UBE2L3: variants seen among roughly 807,000 people sequenced by gnomAD.
UBE2L3 encodes the protein ubiquitin-conjugating enzyme E2 L3.
Under a neutral mutation model 17.8 loss-of-function variants are expected in UBE2L3, and 1 was observed. The ratio of observed to expected loss-of-function variants is 0.06; its 90% confidence interval spans 0.02 to 0.27. The LOEUF (loss-of-function observed/expected upper bound fraction) is 0.27. UBE2L3 is among the 10% of genes least tolerant of loss of function. The pLI is 1.00. For synonymous variants in UBE2L3, 44 were observed against 68.5 expected (o/e 0.64, Z 1.76); for missense variants, 40 against 192.6 (o/e 0.21, Z 4.69).
chr22:21,585,505 C>T (rs1927887256), intron 1 of UBE2L3, among the ~76,000 whole-genome samples: 1 of 152,176 alleles, frequency 6.6e-6, no homozygotes, highest in Non-Finnish European at 1.5e-5. Flanking sequence ...GACTTCAGGC[C>T]ACCAGTTCTA....
At chr22:21,600,092 A>G (rs548714979) in intron 2 of UBE2L3, among the ~76,000 whole-genome samples, 1 of 152,058 alleles carries the variant, frequency 6.6e-6, no homozygotes, top group East Asian at 1.9e-4. Flanking sequence ...CAAGTGGATC[A>G]CCTGAGGTCA....
rs369071390 is a variant in UBE2L3, at chr22:21,615,486, C to T, written c.310+4443C>T. Among the ~76,000 whole-genome samples the T allele has an allele frequency of 2.4e-3, 352 of 149,360 alleles. 4 individuals are homozygous for T. In the East Asian group the frequency reaches 0.041, roughly 17 times the overall value. On this transcript the variant is annotated intron_variant, in intron 3 of 3. Coordinates refer to ENST00000342192, the MANE Select transcript of UBE2L3 (RefSeq NM_003347.4). ...AGGAGAATGGCGTGAACCTGGGAGG[C>T]GGAGATTGCAGTGAGCCGAGATCAC...
At chr22:21,612,315 G>T (rs1025918638) in intron 3 of UBE2L3, among the ~76,000 whole-genome samples, 3 of 151,996 alleles carry the variant, frequency 2.0e-5, no homozygotes, top group East Asian at 1.9e-4. Flanking sequence ...TCAGTGCCTG[G>T]TTTTTTCTTT....
chr22:21,577,461 G>A (rs932647666), intron 1 of UBE2L3, among the ~76,000 whole-genome samples: 6 of 152,212 alleles, frequency 3.9e-5, no homozygotes, highest in African/African-American at 1.4e-4. Flanking sequence ...TCTGGTGGCT[G>A]TGTAGTTTCT....
At chr22:21,619,092 T>C (rs1470103576) in intron 3 of UBE2L3, among the ~76,000 whole-genome samples, 1 of 152,106 alleles carries the variant, frequency 6.6e-6, no homozygotes, top group African/African-American at 2.4e-5. Flanking sequence ...GAGCCACCTA[T>C]TTGTGCTCTT....
At chr22:21,603,232 A>G (rs897868444) in intron 2 of UBE2L3, among the ~76,000 whole-genome samples, 2 of 152,152 alleles carry the variant, frequency 1.3e-5, no homozygotes, top group Admixed American at 6.6e-5. Flanking sequence ...TTCTTTCTTT[A>G]TAAATAGCAA....
At chr22:21,556,525 AC>A (rs1248078396) in intron 1 of UBE2L3, among the ~76,000 whole-genome samples, 3 of 152,294 alleles carry the variant, frequency 2.0e-5, no homozygotes, top group Non-Finnish European at 4.4e-5. Context: ...CGCCTCCTGG[AC>A]TTAAGCAATC....
chr22:21,603,625 T>G (rs1031031195), intron 2 of UBE2L3, among the ~76,000 whole-genome samples: 2 of 149,752 alleles, frequency 1.3e-5, no homozygotes, highest in African/African-American at 4.9e-5. Flanking sequence ...GGGCGGATCA[T>G]GAGGTCAGGA....
chr22:21,574,438 A>G (rs1051954603), intron 1 of UBE2L3, among the ~76,000 whole-genome samples: 12 of 152,184 alleles, frequency 7.9e-5, no homozygotes, highest in African/African-American at 2.4e-4. Context: ...TGTAGATATT[A>G]TTGGGAATAA....
intron 3 of UBE2L3, among the ~76,000 whole-genome samples, chr22:21,619,562 T>TAAA (rs920577354): frequency 1.2e-4 from 19 of 152,208 alleles, no homozygotes; most frequent in African/African-American, 4.6e-4. Context: ...CCAGGCACAG[T>TAAA]AAAAAGCAGA....
chr22:21,598,210 T>TGTGTGTGTGTGTG (rs1555885647), intron 2 of UBE2L3, among the ~76,000 whole-genome samples: 2 of 152,006 alleles, frequency 1.3e-5, no homozygotes, highest in South Asian at 2.1e-4. Flanking sequence ...TGTGTGTGTG[T>TGTGTGTGTGTGTG]TTTTCATTTA....
intron 1 of UBE2L3, among the ~76,000 whole-genome samples, chr22:21,586,712 A>C (rs1287182619): frequency 6.6e-6 from 1 of 150,956 alleles, no homozygotes; most frequent in Non-Finnish European, 1.5e-5. Flanking sequence ...GGAATACAGG[A>C]GTCAACCACC....
At chr22:21,613,206 G>A (rs1402428933) in intron 3 of UBE2L3, among the ~76,000 whole-genome samples, 3 of 152,190 alleles carry the variant, frequency 2.0e-5, no homozygotes, top group African/African-American at 7.2e-5. Context: ...GGATGCACGT[G>A]CTTTGCCACC....
Position 21,588,394 on chromosome 22 carries a change from C to T in UBE2L3, c.28-4467C>T, listed in dbSNP as rs189600354. Among the ~76,000 whole-genome samples the T allele has an allele frequency of 5.3e-4, 81 of 151,490 alleles. No individual in the cohort carries two copies. The East Asian group carries it at 0.014, about 26-fold the overall frequency. On this transcript the variant is annotated intron_variant, in intron 1 of 3. Coordinates refer to ENST00000342192, the MANE Select transcript of UBE2L3 (RefSeq NM_003347.4). ...TTACAACCATCTTGAGGGTTTGAGTCATCTGGCCTTTTGAGTCTCAGATAT... is the reference window on the plus strand; with the variant it reads ...TTACAACCATCTTGAGGGTTTGAGTTATCTGGCCTTTTGAGTCTCAGATAT...
At chr22:21,610,746 T>C in intron 2 of UBE2L3, 111 bp from the exon 3 acceptor site, 2 of 1,236,890 alleles carry the variant, frequency 1.6e-6, no homozygotes, top group South Asian at 1.8e-5. Context: ...CAGTTGATAC[T>C]TGAATCCCTT....
chr22:21,617,272 G>C (rs546949527), intron 3 of UBE2L3, among the ~76,000 whole-genome samples: 1 of 151,230 alleles, frequency 6.6e-6, no homozygotes, highest in Non-Finnish European at 1.5e-5. Flanking sequence ...TTTGTTTTTT[G>C]TTTTTTGTTG....
chr22:21,590,972 A>G (rs907008535), intron 1 of UBE2L3, among the ~76,000 whole-genome samples: 1 of 152,174 alleles, frequency 6.6e-6, no homozygotes, highest in Non-Finnish European at 1.5e-5. Flanking sequence ...CTTACATTCT[A>G]TTTGGAGAGT....
intron 3 of UBE2L3, 36 bp from the exon 4 acceptor site, chr22:21,621,479 G>C: frequency 6.4e-7 from 1 of 1,571,170 alleles, no homozygotes; most frequent in Non-Finnish European, 8.6e-7. Flanking sequence ...TTCTGAGACT[G>C]TGTTAACCCC....
chr22:21,613,071 C>T (rs1185121059), intron 3 of UBE2L3, among the ~76,000 whole-genome samples: 1 of 152,208 alleles, frequency 6.6e-6, no homozygotes, highest in Non-Finnish European at 1.5e-5. Context: ...GAGTGGCAGT[C>T]CTTCCAGGCC....
Sources: gnomAD v4.1 joint callset for allele counts (sites outside exome capture counted in the v4.1 genomes callset) on GRCh38, gnomAD v4.1.1 for gene constraint, MANE v1.5 for transcripts, NCBI Gene and HGNC (gene_info 2026-07-23, HGNC 2026-07-21) for gene names.